EFR3B: variants seen among roughly 807,000 people sequenced by gnomAD.
The protein encoded by EFR3B is protein EFR3 homolog B.
Under a neutral mutation model 104.7 loss-of-function variants are expected in EFR3B, and 64 were observed. The observed-to-expected ratio is 0.61, with a 90% confidence interval of 0.50 to 0.75. The LOEUF (loss-of-function observed/expected upper bound fraction) is 0.75, where lower values mean the gene tolerates loss of function less well. EFR3B is among the 30% of genes least tolerant of loss of function. The pLI, the probability that EFR3B is intolerant of heterozygous loss-of-function variation, is 0.00. For missense variants in EFR3B, 750 were observed against 1,078.5 expected, an observed-to-expected ratio of 0.70 and a Z score of 4.27; for synonymous variants, 385 against 417.9, an observed-to-expected ratio of 0.92 and a Z score of 0.96.
intron 1 of EFR3B, among the ~76,000 whole-genome samples, chr2:25,084,476 T>A (rs1668895709): frequency 6.6e-6 from 1 of 152,184 alleles, no homozygotes; most frequent in Non-Finnish European, 1.5e-5. Context: ...TGATCTCACG[T>A]GATCCACCTG....
chr2:25,067,941 A>G (rs534102653), intron 1 of EFR3B, among the ~76,000 whole-genome samples: 1 of 152,128 alleles, frequency 6.6e-6, no homozygotes, highest in African/African-American at 2.4e-5. Context: ...TTGGCCCCCA[A>G]AGTGCTGGGA....
intron 3 of EFR3B, among the ~76,000 whole-genome samples, chr2:25,098,155 T>C (rs1669334523): frequency 6.6e-6 from 1 of 152,018 alleles, no homozygotes; most frequent in Admixed American, 6.6e-5. Context: ...GTCAGCCCTC[T>C]CTCCCTACTT....
chr2:25,090,823 A>G (rs148531675), intron 1 of EFR3B, among the ~76,000 whole-genome samples: 1 of 152,310 alleles, frequency 6.6e-6, no homozygotes, highest in African/African-American at 2.4e-5. Flanking sequence ...TTAGGGGCAA[A>G]CGAGGTGGCA....
chr2:25,141,233 T>G (rs949719953), intron 16 of EFR3B, 133 bp from the exon 17 acceptor site: 1 of 889,962 alleles, frequency 1.1e-6, no homozygotes, highest in Admixed American at 3.2e-5. Flanking sequence ...ACTGAAAAGC[T>G]CAGCTGAGGA....
At chr2:25,064,167 T>C (rs766814117) in intron 1 of EFR3B, among the ~76,000 whole-genome samples, 2 of 152,260 alleles carry the variant, frequency 1.3e-5, no homozygotes, top group Non-Finnish European at 2.9e-5. Flanking sequence ...GCCCTGGCTC[T>C]ACGTTTCGGA....
At chr2:25,079,293 C>T (rs762987813) in intron 1 of EFR3B, among the ~76,000 whole-genome samples, 1 of 152,286 alleles carries the variant, frequency 6.6e-6, no homozygotes, top group Middle Eastern at 3.4e-3. Flanking sequence ...AGGAGGCTTC[C>T]AGCAAGGTGG....
rs562140465 is a variant in EFR3B at position 25,121,841 on chromosome 2, C to A, written c.485+47C>A. On this transcript the variant is annotated intron_variant, in intron 5 of 22. Transcript: ENST00000403714. ...TAGTTGGTTCAGCTTACAGCAGAAGCAACGGTGGGTCCTGTAGATAACTTC... is the reference window on the plus strand; with the variant it reads ...TAGTTGGTTCAGCTTACAGCAGAAGAAACGGTGGGTCCTGTAGATAACTTC... The A allele has an allele frequency of 3.9e-5, 61 of 1,550,946 alleles. 1 individual carries two copies. The South Asian group carries it at 7.1e-4, about 18-fold the overall frequency.
intron 3 of EFR3B, among the ~76,000 whole-genome samples, chr2:25,102,427 T>C (rs1010395403): frequency 1.8e-4 from 28 of 152,166 alleles, no homozygotes; most frequent in African/African-American, 6.5e-4. Flanking sequence ...CTCACACAGT[T>C]CTGCAGGGCT....
chr2:25,103,582 T>A, intron 3 of EFR3B, 55 bp from the exon 4 acceptor site: 1 of 1,522,828 alleles, frequency 6.6e-7, no homozygotes, highest in Non-Finnish European at 8.9e-7. Flanking sequence ...ATGCCCTGGT[T>A]GGGCCATGGG....
Position 25,159,076 on chromosome 2 carries a change from C to T in EFR3B, c.*4736C>T, listed in dbSNP as rs1348775924. 3.3e-5 allele frequency: 5 copies of T among 152,144 alleles called. No individual in the cohort carries two copies. The highest frequency in any genetic ancestry group is 6.5e-5 in the Admixed American group (1 of 15,272). 9.4% of individuals were successfully genotyped at this position (152,144 alleles called of 1,614,324 possible). A position where few individuals can be genotyped will look rare whatever the true frequency, so the allele number is the denominator to read the frequency against. On this transcript the variant is annotated 3_prime_UTR_variant, in exon 23 of 23. Coordinates refer to ENST00000403714, the MANE Select transcript of EFR3B (RefSeq NM_014971.2). ...AAAATCATTCTCTAGGACTATTAGT[C>T]GCGATCTCCCAGTGAGCCATCACGA...
At chr2:25,107,962 T>C (rs948501792) in intron 4 of EFR3B, among the ~76,000 whole-genome samples, 6 of 152,144 alleles carry the variant, frequency 3.9e-5, no homozygotes, top group Admixed American at 2.0e-4. Flanking sequence ...GCCTCCCGAA[T>C]AGCTGGGATT....
In EFR3B at chr2:25,133,118, C is replaced by T. The variant is rs1448237556; in HGVS notation, c.1259+104C>T. On this transcript the variant is annotated intron_variant, in intron 11 of 22. Transcript: ENST00000403714. ...AATTTTCTTGGCTCTGCCCTCTGCT[C>T]TCTTTTTACTCCCAAATCCCTCAGC... 3.7e-6 allele frequency: 4 copies of T among 1,092,326 alleles called. No homozygotes were observed. In the African/African-American group the frequency reaches 6.3e-5, roughly 17 times the overall value. 67.7% of individuals were successfully genotyped at this position (1,092,326 alleles called of 1,614,324 possible).
At chr2:25,153,823 C>T in intron 22 of EFR3B, 62 bp downstream of exon 22, 1 of 1,477,018 alleles carries the variant, frequency 6.8e-7, no homozygotes, top group Non-Finnish European at 9.3e-7. Context: ...GGTTCCTCAT[C>T]CTGAGTCCTC....
chr2:25,086,378 C>T (rs947274929), intron 1 of EFR3B, among the ~76,000 whole-genome samples: 15 of 152,204 alleles, frequency 9.9e-5, no homozygotes, highest in Non-Finnish European at 2.1e-4. Context: ...TGCATTCCCA[C>T]CAGCAATGAA....
chr2:25,107,135 T>G (rs1669586707), intron 4 of EFR3B, among the ~76,000 whole-genome samples: 1 of 152,180 alleles, frequency 6.6e-6, no homozygotes. Context: ...CATCTATTAA[T>G]ATTCTCCCTA....
intron 1 of EFR3B, among the ~76,000 whole-genome samples, chr2:25,065,840 T>C (rs541944212): frequency 2.0e-5 from 3 of 152,260 alleles, no homozygotes; most frequent in African/African-American, 7.2e-5. Context: ...ACTCACCCAG[T>C]GTGAATGGGC....
At chr2:25,148,811 A>G (rs1670919895) in intron 19 of EFR3B, among the ~76,000 whole-genome samples, 1 of 149,612 alleles carries the variant, frequency 6.7e-6, no homozygotes, top group Admixed American at 6.7e-5. Context: ...AGTCCCAGCT[A>G]CTTGGGAGGC....
chr2:25,091,629 G>A (rs1393694823), intron 2 of EFR3B, among the ~76,000 whole-genome samples: 1 of 152,232 alleles, frequency 6.6e-6, no homozygotes, highest in East Asian at 1.9e-4. Context: ...GCAGAAGGCA[G>A]CTGGAAGTGC....
intron 1 of EFR3B, among the ~76,000 whole-genome samples, chr2:25,052,430 G>A (rs541423829): frequency 6.6e-6 from 1 of 150,588 alleles, no homozygotes; most frequent in African/African-American, 2.4e-5. Context: ...TGGGTTCTGA[G>A]TAACAACACA....
Sources: gnomAD v4.1 joint callset for allele counts (sites outside exome capture counted in the v4.1 genomes callset) on GRCh38, gnomAD v4.1.1 for gene constraint, MANE v1.5 for transcripts, NCBI Gene and HGNC (gene_info 2026-07-23, HGNC 2026-07-21) for gene names.